The following AUTS2 variants were observed in gnomAD, a reference collection of about 807,000 sequenced individuals.
The protein encoded by AUTS2 is autism susceptibility gene 2 protein.
Under a neutral mutation model 112.4 loss-of-function variants are expected in AUTS2, and 17 were observed. That is an observed-to-expected ratio of 0.15 (90% confidence interval 0.10 to 0.23). The LOEUF (loss-of-function observed/expected upper bound fraction) is 0.23. AUTS2 is among the 10% of genes least tolerant of loss of function. AUTS2 has a pLI of 1.00. For synonymous variants in AUTS2, 751 were observed against 702.7 expected (o/e 1.07, Z -1.09); for missense variants, 1,510 against 1,701.6 (o/e 0.89, Z 1.98).
At position 69,739,949 on chromosome 7, in the gene AUTS2, C is replaced by G. The variant is rs1048986029; in HGVS notation, c.309+139987C>G. Among the ~76,000 whole-genome samples, 4 of 152,264 alleles carry G rather than the reference C, an allele frequency of 2.6e-5. No individual in the cohort carries two copies. The South Asian group carries it at 6.2e-4, about 24-fold the overall frequency. Reference sequence around the variant, plus strand: ...TTAAATCCCTCAGTGTCACAACCAGCTAATGAAGGAGAGGACTGCTAAACT... The same window carrying G: ...TTAAATCCCTCAGTGTCACAACCAGGTAATGAAGGAGAGGACTGCTAAACT... On this transcript the variant is annotated intron_variant, in intron 1 of 18. Transcript: ENST00000342771.
chr7:70,495,771 TAC>T (rs1214362348), intron 5 of AUTS2, among the ~76,000 whole-genome samples: 1 of 68,672 alleles, frequency 1.5e-5, no homozygotes, highest in Non-Finnish European at 2.9e-5. Context: ...ACACACCACG[TAC>T]ACAGTCACAC....
chr7:70,669,439 G>T (rs1043674849), intron 5 of AUTS2, among the ~76,000 whole-genome samples: 16 of 152,216 alleles, frequency 1.1e-4, no homozygotes, highest in Non-Finnish European at 1.9e-4. Flanking sequence ...CAGAGAAAGT[G>T]CCTGTGCTCT....
chr7:70,583,503 C>A (rs1323973972), intron 5 of AUTS2, among the ~76,000 whole-genome samples: 2 of 152,202 alleles, frequency 1.3e-5, no homozygotes, highest in African/African-American at 2.4e-5. Context: ...TTAACTCTTT[C>A]ATGGGAGGGG....
At chr7:70,319,436 G>A (rs889183882) in intron 4 of AUTS2, among the ~76,000 whole-genome samples, 6 of 152,158 alleles carry the variant, frequency 3.9e-5, no homozygotes, top group African/African-American at 1.4e-4. Flanking sequence ...TTCCTTAGGA[G>A]TTTCTCAACC....
At position 70,763,048 on chromosome 7, in the gene AUTS2, C is replaced by T. The variant is rs2129556968; in HGVS notation, c.921C>T (p.Pro307=). 1 of 1,614,146 alleles carries T rather than the reference C, an allele frequency of 6.2e-7. No homozygotes were observed. The highest frequency in any genetic ancestry group is 8.5e-7 in the Non-Finnish European group (1 of 1,180,030). Residue 307 remains proline (P), a synonymous_variant, in exon 7 of 19, where the codon CCC becomes CCT. Coordinates refer to ENST00000342771, the MANE Select transcript of AUTS2 (RefSeq NM_015570.4). The part of the protein sequence containing the change: ...DPCPQVAQPI[P]QPQTEPQLRA... The stretch of plus-strand genomic sequence containing the variant: ...GCCCTCAGGTCGCACAGCCAATACC[C>T]CAGCCGCAGACGGAGCCCCAACTCC...
chr7:70,119,478 C>T (rs1355544621), intron 3 of AUTS2: 1 of 152,266 alleles, frequency 6.6e-6, no homozygotes, highest in Non-Finnish European at 1.5e-5. Flanking sequence ...GATTCTCCTG[C>T]CTCAGCCTCC....
chr7:70,275,936 A>C (rs965439227), intron 4 of AUTS2, among the ~76,000 whole-genome samples: 5 of 152,216 alleles, frequency 3.3e-5, no homozygotes, highest in African/African-American at 7.2e-5. Context: ...TCTTTATAGC[A>C]GCATGAGAAC....
intron 4 of AUTS2, among the ~76,000 whole-genome samples, chr7:70,244,340 T>C (rs1812789113): frequency 6.6e-6 from 1 of 152,204 alleles, no homozygotes; most frequent in East Asian, 1.9e-4. Flanking sequence ...GATCAAATTG[T>C]TTTAAAACTT....
chr7:70,039,530 T>G (rs910623910), intron 2 of AUTS2, among the ~76,000 whole-genome samples: 9 of 152,076 alleles, frequency 5.9e-5, no homozygotes, highest in African/African-American at 2.2e-4. Context: ...TTTGTATTTT[T>G]AGTAGAGATG....
intron 2 of AUTS2, among the ~76,000 whole-genome samples, chr7:70,000,984 T>C (rs1799166758): frequency 6.6e-6 from 1 of 152,218 alleles, no homozygotes; most frequent in Non-Finnish European, 1.5e-5. Context: ...TGGTTCTGCC[T>C]GGCAGCAAAA....
chr7:69,963,970 A>T (rs982227434), intron 2 of AUTS2, among the ~76,000 whole-genome samples: 7 of 152,156 alleles, frequency 4.6e-5, no homozygotes, highest in African/African-American at 1.7e-4. Context: ...TCCTAAATTG[A>T]GGTTGATCTC....
At chr7:70,242,740 C>G (rs1396326209) in intron 4 of AUTS2, among the ~76,000 whole-genome samples, 1 of 152,128 alleles carries the variant, frequency 6.6e-6, no homozygotes, top group Non-Finnish European at 1.5e-5. Flanking sequence ...TGCACGTGCG[C>G]ACATGTGAGT....
chr7:70,508,024 C>T (rs1295256178), intron 5 of AUTS2, among the ~76,000 whole-genome samples: 2 of 152,186 alleles, frequency 1.3e-5, no homozygotes, highest in Non-Finnish European at 2.9e-5. Context: ...TTGTTAGTGA[C>T]AATCACACTC....
intron 5 of AUTS2, among the ~76,000 whole-genome samples, chr7:70,452,285 C>G (rs552224104): frequency 1.3e-5 from 2 of 152,058 alleles, no homozygotes; most frequent in East Asian, 3.9e-4. Context: ...ATGGTGAAAC[C>G]CCATCTCTAC....
intron 1 of AUTS2, among the ~76,000 whole-genome samples, chr7:69,874,697 C>T (rs1793651534): frequency 6.6e-6 from 1 of 152,006 alleles, no homozygotes; most frequent in Non-Finnish European, 1.5e-5. Context: ...TTATCTCTGT[C>T]ACCCAGGCTG....
chr7:70,470,219 G>A (rs538721590), intron 5 of AUTS2, among the ~76,000 whole-genome samples: 190 of 152,274 alleles, frequency 1.2e-3, no homozygotes, highest in Non-Finnish European at 2.2e-3. Flanking sequence ...GATAAGAACC[G>A]ATTGGTTAAC....
intron 1 of AUTS2, among the ~76,000 whole-genome samples, chr7:69,726,241 G>A (rs55756263): frequency 0.097 from 14,787 of 152,038 alleles, 1,135 homozygotes; most frequent in African/African-American, 0.21. Context: ...TCTGATTCGT[G>A]TTAACATAGT....
intron 4 of AUTS2, among the ~76,000 whole-genome samples, chr7:70,332,783 CCCTT>C (rs1281046113): frequency 2.0e-5 from 3 of 152,088 alleles, no homozygotes; most frequent in African/African-American, 7.2e-5. Flanking sequence ...GAAACTGGAC[CCCTT>C]CCTTATACTT....
At chr7:70,599,393 A>G (rs1299180986) in intron 5 of AUTS2, among the ~76,000 whole-genome samples, 1 of 152,224 alleles carries the variant, frequency 6.6e-6, no homozygotes, top group Non-Finnish European at 1.5e-5. Context: ...CTGATGGCTC[A>G]TAGAGTCTCC....
Sources: gnomAD v4.1 joint callset for allele counts (sites outside exome capture counted in the v4.1 genomes callset) on GRCh38, gnomAD v4.1.1 for gene constraint, MANE v1.5 for transcripts, NCBI Gene and HGNC (gene_info 2026-07-23, HGNC 2026-07-21) for gene names.